CP: variants seen among roughly 807,000 people sequenced by gnomAD.
The protein encoded by CP is ceruloplasmin, also known as caeruloplasmin.
In CP, 64 loss-of-function variants were observed where a neutral mutation model predicts 122.4. That is an observed-to-expected ratio of 0.52 (90% CI 0.43 to 0.64). The LOEUF is 0.64. Ranked by LOEUF, CP falls within the 30% of genes least tolerant of loss-of-function variation. The pLI, the probability that CP is intolerant of heterozygous loss-of-function variation, is 0.00. For missense variants in CP, 1,167 were observed against 1,284.4 expected (o/e 0.91, Z 1.40); for synonymous variants, 440 against 436.4 (o/e 1.01, Z -0.10).
At chr3:149,194,224 A>T (rs28657647) in intron 9 of CP, among the ~76,000 whole-genome samples, 2 of 145,672 alleles carry the variant, frequency 1.4e-5, no homozygotes, top group East Asian at 3.9e-4. Flanking sequence ...CATATTTAAA[A>T]TTTTTTATTT....
At chr3:149,187,859 C>T (rs1726277182) in intron 10 of CP, 193 bp downstream of exon 10, 1 of 607,706 alleles carries the variant, frequency 1.6e-6, no homozygotes, top group South Asian at 1.9e-5. Context: ...ATTGACATAT[C>T]TTGAATTAAG....
At chr3:149,173,974 A>G (rs1437913058) in intron 18 of CP, among the ~76,000 whole-genome samples, 1 of 152,168 alleles carries the variant, frequency 6.6e-6, no homozygotes, top group African/African-American at 2.4e-5. Context: ...TACAATGGAG[A>G]CACCTGGCAG....
At position 149,206,964 on chromosome 3, in the gene CP, C is replaced by T. The variant is rs975733712; in HGVS notation, c.1036+399G>A. On this transcript the variant is annotated intron_variant, in intron 5 of 18. Transcript: ENST00000264613. Reference sequence around the variant, plus strand: ...TTAAAGAGATAAAGGAAGGATTTATCGAGTTAAACTAAGGGATGGCCAGGC... The same window carrying T: ...TTAAAGAGATAAAGGAAGGATTTATTGAGTTAAACTAAGGGATGGCCAGGC... Among the ~76,000 whole-genome samples the T allele has an allele frequency of 3.9e-5, 6 of 152,172 alleles. No homozygotes were observed. In the South Asian group the frequency reaches 6.2e-4, roughly 16 times the overall value.
Position 149,178,397 on chromosome 3 carries a change from T to C in CP, c.2878+18A>G, listed in dbSNP as rs754988135. The C allele has an allele frequency of 2.7e-6, 4 of 1,506,094 alleles. No homozygotes were observed. The highest frequency in any genetic ancestry group is 2.8e-5 in the African/African-American group (2 of 72,098). 93.3% of individuals were successfully genotyped at this position (1,506,094 alleles called of 1,614,324 possible). On this transcript the variant is annotated intron_variant, in intron 16 of 18. Coordinates refer to ENST00000264613, the MANE Select transcript of CP (RefSeq NM_000096.4). ...TGATAAAAAAGTAGAAAAATTGTTT[T>C]AGAATAATGTGACATACCATGCATT...
intron 2 of CP, 74 bp from the exon 3 acceptor site, chr3:149,210,453 A>C: frequency 8.0e-7 from 1 of 1,256,022 alleles, no homozygotes; most frequent in South Asian, 1.2e-5. Flanking sequence ...TAGTCCATTA[A>C]TTCATTCAGC....
At chr3:149,163,673 A>G (rs909530355) in intron 5 of CP, among the ~76,000 whole-genome samples, 5 of 152,224 alleles carry the variant, frequency 3.3e-5, no homozygotes, top group Admixed American at 2.0e-4. Flanking sequence ...CAAGACTGAA[A>G]TATTTTCCAG....
chr3:149,200,349 T>C (rs1489633610), intron 7 of CP, among the ~76,000 whole-genome samples: 1 of 152,168 alleles, frequency 6.6e-6, no homozygotes, highest in African/African-American at 2.4e-5. Context: ...TACATAAATA[T>C]TTTATGTAAT....
chr3:149,212,104 T>C (rs920495490), intron 2 of CP, among the ~76,000 whole-genome samples: 66 of 151,612 alleles, frequency 4.4e-4, no homozygotes, highest in African/African-American at 1.2e-3. Context: ...CCATCCTGGC[T>C]AACACGGTGA....
In CP at chr3:149,179,654, G is replaced by C. The variant is rs748539073; in HGVS notation, c.2563C>G (p.Leu855Val). 2 of 1,611,856 alleles carry C rather than the reference G, an allele frequency of 1.2e-6. No individual in the cohort carries two copies. The highest frequency in any genetic ancestry group is 3.3e-5 in the Admixed American group (2 of 59,942). The change falls in exon 15 of 19, where the codon CTC becomes GTC. Residue 855 changes from leucine to valine, a missense_variant. By Grantham distance (32) the Leu-to-Val change is conservative (BLOSUM62 1). Coordinates refer to ENST00000264613, the MANE Select transcript of CP (RefSeq NM_000096.4). ...TVTPTLPGET[L>V]TYVWKIPERS... ...TCTGGGATTTTCCATACGTAAGTGA[G>C]AGTTTCACCTAAATTCATCAAGTGT... is the stretch of plus-strand genomic sequence containing the variant.
At chr3:149,176,580 C>A (rs1725436981) in intron 17 of CP, 168 bp from the exon 18 acceptor site, 1 of 609,052 alleles carries the variant, frequency 1.6e-6, no homozygotes, top group Non-Finnish European at 2.9e-6. Context: ...TTTTTGTATT[C>A]CTAATAAGTC....
At chr3:149,198,279 GATA>G in intron 9 of CP, 85 bp downstream of exon 9, 1 of 1,038,466 alleles carries the variant, frequency 9.6e-7, no homozygotes, top group Non-Finnish European at 1.5e-6. Flanking sequence ...TATTTTTGGA[GATA>G]ATGATGAGGT....
chr3:149,174,410 G>A (rs774136353), intron 18 of CP, among the ~76,000 whole-genome samples: 12 of 152,066 alleles, frequency 7.9e-5, no homozygotes, highest in Non-Finnish European at 1.0e-4. Flanking sequence ...ATCTATACAC[G>A]TCTGTGTGTG....
Position 149,212,654 on chromosome 3 carries a change from C to A in CP, c.191G>T (p.Gly64Val). Residue 64 changes from glycine (G) to valine (V), a missense_variant, in exon 2 of 19, where the codon GGG (glycine) becomes GTG (valine). Physicochemically the swap from Gly to Val is moderately radical, Grantham distance 109. Coordinates refer to ENST00000264613, the MANE Select transcript of CP (RefSeq NM_000096.4). ...IYLQNGPDRI[G>V]RLYKKALYLQ... ...ATAAAGGGCCTTCTTATATAGTCTC[C>A]CAATTCTATCTGGGCCATTTTGAAG... 1 of 1,613,774 alleles carries A rather than the reference C, an allele frequency of 6.2e-7. No individual in the cohort carries two copies. The highest frequency in any genetic ancestry group is 8.5e-7 in the Non-Finnish European group (1 of 1,179,904).
At chr3:149,204,767 A>C (rs1727589960) in intron 6 of CP, among the ~76,000 whole-genome samples, 1 of 152,186 alleles carries the variant, frequency 6.6e-6, no homozygotes, top group Non-Finnish European at 1.5e-5. Flanking sequence ...CATCTCATTG[A>C]CATTTTTGAA....
intron 1 of CP, among the ~76,000 whole-genome samples, chr3:149,216,900 C>CTTTTTT (rs201368226): frequency 4.6e-5 from 6 of 129,602 alleles, no homozygotes; most frequent in Non-Finnish European, 6.6e-5. Flanking sequence ...CTATTGCTTG[C>CTTTTTT]TTTTTTTTTT....
At chr3:149,210,144 T>C in intron 3 of CP, 23 bp downstream of exon 3, 3 of 1,608,726 alleles carry the variant, frequency 1.9e-6, no homozygotes, top group Non-Finnish European at 2.6e-6. Flanking sequence ...TCATATAGCA[T>C]GTGCAATAAG....
rs1728813630 is a variant in CP at position 149,221,640 on chromosome 3, G to A, written c.146+7C>T. On this transcript the variant is annotated splice_region_variant and intron_variant, in intron 1 of 18. Transcript: ENST00000264613. ...TTGGTCTATAAACAATAAAAATAGT[G>A]ACTTACGTGTCAACAGAAATAAGTT... 2 of 1,610,690 alleles carry A rather than the reference G, an allele frequency of 1.2e-6. No homozygotes were observed. Among genetic ancestry groups the A allele is most frequent in the African/African-American group, 2.7e-5 (2 of 74,786 alleles).
In CP at chr3:149,172,928, G is replaced by A. The variant is rs1202389664; in HGVS notation, c.*786C>T. ...TCTTGCTCTTTTAGCTAGAGTGTAT[G>A]TGAAAATAAAGAAATACATCATTGT... is the stretch of plus-strand genomic sequence containing the variant. On this transcript the variant is annotated 3_prime_UTR_variant, in exon 19 of 19. Coordinates refer to ENST00000264613, the MANE Select transcript of CP (RefSeq NM_000096.4). 1 of 152,534 alleles carries A rather than the reference G, an allele frequency of 6.6e-6. No homozygotes were observed. The highest frequency in any genetic ancestry group is 1.9e-4 in the East Asian group (1 of 5,188). 9.4% of individuals were successfully genotyped at this position (152,534 alleles called of 1,614,324 possible).
intron 9 of CP, among the ~76,000 whole-genome samples, chr3:149,192,166 A>G (rs959671322): frequency 1.3e-5 from 2 of 152,106 alleles, no homozygotes; most frequent in African/African-American, 4.8e-5. Flanking sequence ...ACAAGCTGCA[A>G]TAATAAAAAC....
Sources: allele counts gnomAD v4.1 joint callset (sites outside exome capture counted in the v4.1 genomes callset), GRCh38; gene constraint gnomAD v4.1.1; transcripts MANE v1.5; gene names NCBI Gene and HGNC (gene_info 2026-07-23, HGNC 2026-07-21).